Variants in ADAMTS13 observed in about 807,000 individuals in gnomAD.
The protein encoded by ADAMTS13 is ADAM metallopeptidase with thrombospondin type 1 motif 13.
ADAMTS13 carries 110 observed loss-of-function variants against 155.1 expected under a neutral mutation model. That is an observed-to-expected ratio of 0.71 (90% confidence interval 0.61 to 0.83). The LOEUF (loss-of-function observed/expected upper bound fraction) is 0.83, where lower values mean the gene tolerates loss of function less well. ADAMTS13 is among the 40% of genes least tolerant of loss of function. ADAMTS13 has a pLI of 0.00. For synonymous variants in ADAMTS13, 758 were observed against 756.4 expected (o/e 1.00, Z -0.03); for missense variants, 1,707 against 1,891.7 (o/e 0.90, Z 1.81).
intron 21 of ADAMTS13, 56 bp from the exon 22 acceptor site, chr9:133,448,543 G>A (rs1320577476): frequency 1.7e-5 from 28 of 1,601,028 alleles, no homozygotes; most frequent in Non-Finnish European, 2.1e-5. Flanking sequence ...AGCCTGGGCT[G>A]CAGTCCTTGC....
intron 22 of ADAMTS13, 88 bp downstream of exon 22, chr9:133,448,816 G>T: frequency 6.5e-7 from 1 of 1,533,396 alleles, no homozygotes; most frequent in South Asian, 1.2e-5. Flanking sequence ...GACCTGCGGA[G>T]GGGGGCAGGT....
At chr9:133,434,287 C>T (rs1841015241) in intron 11 of ADAMTS13, among the ~76,000 whole-genome samples, 1 of 152,040 alleles carries the variant, frequency 6.6e-6, no homozygotes, top group South Asian at 2.1e-4. Context: ...TGCTGCATGC[C>T]TGCAAAGGAA....
intron 23 of ADAMTS13, 82 bp from the exon 24 acceptor site, chr9:133,454,333 A>AGTC: frequency 1.3e-6 from 2 of 1,511,660 alleles, no homozygotes; most frequent in Non-Finnish European, 1.8e-6. Context: ...GTCCGAGTAC[A>AGTC]CGTGGGTGGA....
intron 9 of ADAMTS13, 85 bp from the exon 10 acceptor site, chr9:133,433,293 G>T (rs1362975649): frequency 6.3e-7 from 1 of 1,578,398 alleles, no homozygotes; most frequent in Non-Finnish European, 8.6e-7. Context: ...GATCCCTGAG[G>T]ATGTTGGGGG....
At chr9:133,414,749 G>A in intron 1 of ADAMTS13, 1 of 1,614,170 alleles carries the variant, frequency 6.2e-7, no homozygotes, top group Non-Finnish European at 8.5e-7. Flanking sequence ...ATCACCATTT[G>A]TCCTTTCCTT....
upstream of ADAMTS13, among the ~76,000 whole-genome samples, chr9:133,417,374 T>TA (rs1554781856): frequency 1.3e-5 from 2 of 152,390 alleles, no homozygotes; most frequent in African/African-American, 4.8e-5. Flanking sequence ...GTTAGTTCAT[T>TA]ATGCAAAAGG....
In ADAMTS13 at chr9:133,433,454, G is replaced by A. The variant is rs374655146; in HGVS notation, c.1169G>A (p.Trp390Ter). The A allele has an allele frequency of 3.7e-6, 6 of 1,613,390 alleles. No homozygotes were observed. Among genetic ancestry groups the A allele is most frequent in the Non-Finnish European group, 5.1e-6 (6 of 1,179,976 alleles). Residue 390 changes from tryptophan to a stop codon, truncating the protein, a stop_gained, in exon 10 of 29, where the codon TGG becomes TAG. Coordinates refer to ENST00000355699, the MANE Select transcript of ADAMTS13 (RefSeq NM_139027.6). LOFTEE classifies it high-confidence loss of function. ...GCAGTGCATGGGCGCTGGTCTAGCT[G>A]GGGTCCCCGAAGTCCTTGCTCCCGC... ...IAAVHGRWSSWGPRSPCSRSC... is the reference protein window; with the variant it reads ...IAAVHGRWSS
upstream of ADAMTS13, among the ~76,000 whole-genome samples, chr9:133,419,905 A>ATT (rs71503346): frequency 2.9e-4 from 34 of 117,986 alleles, no homozygotes; most frequent in Admixed American, 3.5e-4. Context: ...TGCCCAGCTA[A>ATT]TTTTTTTTTT....
At chr9:133,443,619 C>A in intron 19 of ADAMTS13, 58 bp downstream of exon 19, 1 of 1,461,746 alleles carries the variant, frequency 6.8e-7, no homozygotes, top group South Asian at 1.3e-5. Flanking sequence ...CTCGTCCCTG[C>A]GCTGAGCCCC....
At chr9:133,421,133 G>A (rs1839937578), upstream of ADAMTS13, among the ~76,000 whole-genome samples, 1 of 152,224 alleles carries the variant, frequency 6.6e-6, no homozygotes, top group African/African-American at 2.4e-5. Flanking sequence ...AGGCGTGATG[G>A]CGGGTGCCTG....
In ADAMTS13 at chr9:133,439,346, CCTT is replaced by C. The variant is rs1554790004; in HGVS notation, c.1706-16_1706-14del. The C allele has an allele frequency of 5.7e-6, 9 of 1,585,956 alleles. No homozygotes were observed. Among genetic ancestry groups the C allele is most frequent in the Admixed American group, 3.3e-5 (2 of 59,958 alleles). On this transcript the variant is annotated splice_polypyrimidine_tract_variant and intron_variant, in intron 14 of 28. Coordinates refer to ENST00000355699, the MANE Select transcript of ADAMTS13 (RefSeq NM_139027.6). The stretch of plus-strand genomic sequence containing the variant: ...GTGGCTGTGAGGTCCACGCATCTCT[CCTT>C]CTTTTCTTCTTTCTAGAATATGTCA...
At chr9:133,438,160 C>T in intron 13 of ADAMTS13, 86 bp from the exon 14 acceptor site, 3 of 1,610,394 alleles carry the variant, frequency 1.9e-6, no homozygotes, top group Non-Finnish European at 2.5e-6. Flanking sequence ...TTGTGGATCC[C>T]AGAATCTCAG....
Position 133,458,126 on chromosome 9 carries a change from T to C in ADAMTS13, c.3909+32T>C, listed in dbSNP as rs3094374. 126,031 of 1,608,938 alleles carry C rather than the reference T, an allele frequency of 0.078. 5,620 individuals are homozygous for C. The highest frequency in any genetic ancestry group is 0.091 in the Non-Finnish European group (107,641 of 1,178,172). ...CCCAGCATGGGGACTTGTGCTGTGA[T>C]TCTGGACAGCTTTCCCTAGGGCGTG... On this transcript the variant is annotated intron_variant, in intron 28 of 28. Coordinates refer to ENST00000355699, the MANE Select transcript of ADAMTS13 (RefSeq NM_139027.6).
intron 1 of ADAMTS13, chr9:133,415,934 G>A (rs1839570273): frequency 6.6e-6 from 1 of 152,444 alleles, no homozygotes; most frequent in Non-Finnish European, 1.5e-5. Flanking sequence ...GGAGGCTGAG[G>A]TGGGAGGATT....
chr9:133,422,186 G>A (rs1839996327), upstream of ADAMTS13: 1 of 576,204 alleles, frequency 1.7e-6, no homozygotes, highest in Non-Finnish European at 3.1e-6. Flanking sequence ...CCGGAGAGCT[G>A]TCTGGTGTGC....
chr9:133,417,474 G>A (rs1363664291), upstream of ADAMTS13: 45 of 806,714 alleles, frequency 5.6e-5, no homozygotes, highest in Non-Finnish European at 8.4e-5. Context: ...CCCTCAACAG[G>A]CCACCTTTCT....
chr9:133,423,881 A>G (rs1554784321), intron 2 of ADAMTS13, among the ~76,000 whole-genome samples: 2 of 152,196 alleles, frequency 1.3e-5, no homozygotes, highest in African/African-American at 4.8e-5. Flanking sequence ...ATCATTGCCC[A>G]GGGTCCCTGA....
intron 8 of ADAMTS13, among the ~76,000 whole-genome samples, 177 bp from the exon 9 acceptor site, chr9:133,432,411 C>T (rs587753377): frequency 2.6e-5 from 4 of 152,366 alleles, no homozygotes; most frequent in South Asian, 2.1e-4. Flanking sequence ...GTCATGGTCC[C>T]GGTTCCCCAT....
In ADAMTS13 at chr9:133,449,015, C is replaced by T. The variant is rs587710749; in HGVS notation, c.2861+287C>T. Among the ~76,000 whole-genome samples, 3 of 152,340 alleles carry T rather than the reference C, an allele frequency of 2.0e-5. No homozygotes were observed. The East Asian group carries it at 5.8e-4, about 29-fold the overall frequency. On this transcript the variant is annotated intron_variant, in intron 22 of 28. Transcript: ENST00000355699. ...TGCATCCTGGCTCTTTCCTCACCTC[C>T]AAGCCAGACCTTTTGACCCTCAGTG... is the stretch of plus-strand genomic sequence containing the variant.
Sources: allele counts gnomAD v4.1 joint callset (sites outside exome capture counted in the v4.1 genomes callset), GRCh38; gene constraint gnomAD v4.1.1; transcripts MANE v1.5; gene names NCBI Gene and HGNC (gene_info 2026-07-23, HGNC 2026-07-21).